ARHGAP33: variants seen among roughly 807,000 people sequenced by gnomAD.
The protein encoded by ARHGAP33 is Rho GTPase activating protein 33.
In ARHGAP33, 57 loss-of-function variants were observed where a neutral mutation model predicts 126.2. The observed-to-expected ratio is 0.45, with a 90% confidence interval of 0.36 to 0.56. The LOEUF is 0.56. Ranked by LOEUF, ARHGAP33 falls within the 20% of genes least tolerant of loss-of-function variation. The pLI is 0.00. For synonymous variants in ARHGAP33, 711 were observed against 755.0 expected, an observed-to-expected ratio of 0.94 and a Z score of 0.95; for missense variants, 1,500 against 1,748.3, an observed-to-expected ratio of 0.86 and a Z score of 2.53.
Position 35,788,413 on chromosome 19 carries a change from C to T in ARHGAP33, c.3848C>T (p.Thr1283Ile). 1.9e-6 allele frequency: 3 copies of T among 1,571,156 alleles called. No homozygotes were observed. Among genetic ancestry groups the T allele is most frequent in the Non-Finnish European group, 2.6e-6 (3 of 1,158,732 alleles). The change falls in exon 21 of 21, where the codon ACC (threonine) becomes ATC (isoleucine). Residue 1283 changes from threonine (T) to isoleucine (I), a missense_variant. Thr to Ile is a moderately conservative substitution (Grantham distance 89). This residue lies in a region of ARHGAP33 where 642 missense variants were observed against 634.0 expected (regional missense o/e 1.01). Coordinates refer to ENST00000007510, the MANE Select transcript of ARHGAP33 (RefSeq NM_001366178.1). ...TGGTCCCTCCACTCTGAGGGCCAGA[C>T]CCGAAGCTACTGCTGAGCACCAGCT... ...PSWSLHSEGQTRSYC is the reference protein window; with the variant it reads ...PSWSLHSEGQIRSYC
In ARHGAP33 at chr19:35,787,574, C is replaced by G; in HGVS notation, c.3009C>G (p.Leu1003=). ...LRGPAQVSAQ[L]RAGGGGRDAP... is the part of the protein sequence containing the mutation. Reference sequence around the variant, plus strand: ...GCCCTGCCCAGGTCAGTGCCCAGCTCAGGGCAGGTGGCGGGGGCAGGGATG... The same window carrying G: ...GCCCTGCCCAGGTCAGTGCCCAGCTGAGGGCAGGTGGCGGGGGCAGGGATG... The change falls in exon 21 of 21, where the codon CTC becomes CTG. Residue 1003 remains leucine (L), a synonymous_variant. Coordinates refer to ENST00000007510, the MANE Select transcript of ARHGAP33 (RefSeq NM_001366178.1). 1 of 1,609,986 alleles carries G rather than the reference C, an allele frequency of 6.2e-7. No individual in the cohort carries two copies. The highest frequency in any genetic ancestry group is 1.7e-4 in the Middle Eastern group (1 of 6,038).
chr19:35,780,271 G>A lies in ARHGAP33; in HGVS notation c.562G>A (p.Val188Met). ...SEEASLNIPAVAAAHVIKRYT... is the reference protein window; with the variant it reads ...SEEASLNIPAMAAAHVIKRYT... ...GGAGGCGTCACTCAATATCCCTGCA[G>A]TGGCGGCCGCCCATGTGATCAAACG... The change falls in exon 7 of 21, where the codon GTG becomes ATG. Residue 188 changes from valine to methionine, a missense_variant. Physicochemically the swap from Val to Met is conservative, Grantham distance 21. Coordinates refer to ENST00000007510, the MANE Select transcript of ARHGAP33 (RefSeq NM_001366178.1). 4 of 1,613,892 alleles carry A rather than the reference G, an allele frequency of 2.5e-6. No homozygotes were observed. The highest frequency in any genetic ancestry group is 1.6e-4 in the Middle Eastern group (1 of 6,062).
intron 15 of ARHGAP33, among the ~76,000 whole-genome samples, chr19:35,783,227 A>G (rs1178156809): frequency 6.6e-6 from 1 of 152,220 alleles, no homozygotes; most frequent in Non-Finnish European, 1.5e-5. Context: ...TTCTGTGGCC[A>G]GCAGCAGAAT....
rs569859200 is a variant in ARHGAP33, at chr19:35,782,955, A to G, written c.1421+86A>G. ...CGCCCAGCTTTTCTTTTGTTTATTC[A>G]TCGAATACGTGTCTATCAAATACCT... On this transcript the variant is annotated intron_variant, in intron 15 of 20. Transcript: ENST00000007510. The surrounding 1 kb of genome is among the most constrained non-coding windows in gnomAD (Gnocchi z 4.1). 1,051 of 1,178,602 alleles carry G rather than the reference A, an allele frequency of 8.9e-4. 2 individuals are homozygous for G. In the Middle Eastern group the frequency reaches 0.015, roughly 16 times the overall value. 73.0% of individuals were successfully genotyped at this position (1,178,602 alleles called of 1,614,324 possible).
intron 20 of ARHGAP33, 24 bp downstream of exon 20, chr19:35,787,096 C>T: frequency 1.3e-6 from 2 of 1,598,148 alleles, no homozygotes; most frequent in Non-Finnish European, 1.7e-6. Context: ...CTACCCCACC[C>T]CTGTCCCCGC....
At chr19:35,778,198 C>A in intron 3 of ARHGAP33, 82 bp from the exon 4 acceptor site, 2 of 1,478,972 alleles carry the variant, frequency 1.4e-6, no homozygotes, top group South Asian at 2.3e-5. Context: ...AAGGGAGTCA[C>A]AAACCCGTCC....
intron 19 of ARHGAP33, 145 bp downstream of exon 19, chr19:35,785,628 A>G (rs936930710): frequency 6.8e-7 from 1 of 1,466,370 alleles, no homozygotes; most frequent in Non-Finnish European, 9.0e-7. Context: ...CTTTATGTAC[A>G]ATGAGTTGGA....
rs199687611 is a variant in ARHGAP33 at position 35,780,538 on chromosome 19, C to T, written c.702+40C>T. On this transcript the variant is annotated intron_variant, in intron 8 of 20. Transcript: ENST00000007510. ...GCGCGGACAGGTGGGGCTGGGGTAC[C>T]TGCCAACTGGGGTGGCCCAGCTACT... 224 of 1,612,764 alleles carry T rather than the reference C, an allele frequency of 1.4e-4. 1 individual carries two copies. In the African/African-American group the frequency reaches 2.8e-3, roughly 20 times the overall value.
rs1971579557 is a variant in ARHGAP33, at chr19:35,778,592, G to A, written c.399G>A (p.Arg133=). 6.2e-7 allele frequency: 1 copy of A among 1,613,244 alleles called. No individual in the cohort carries two copies. Among genetic ancestry groups the A allele is most frequent in the African/African-American group, 1.3e-5 (1 of 74,904 alleles). The part of the protein sequence containing the change: ...PELPPPPEGA[R]AAQMLVPLLL... ...TTCCCCCGCCCCCCGAGGGTGCCAG[G>A]GCTGCCCAGGTAACCTGCTTGTTGT... Residue 133 remains arginine, a synonymous_variant, in exon 5 of 21, where the codon AGG becomes AGA. Transcript: ENST00000007510.
intron 1 of ARHGAP33, among the ~76,000 whole-genome samples, chr19:35,777,398 T>A (rs1033102780): frequency 6.6e-6 from 1 of 152,100 alleles, no homozygotes; most frequent in African/African-American, 2.4e-5. Context: ...GGGACCAGCA[T>A]GCTCTCCATC....
chr19:35,780,711 C>A, intron 9 of ARHGAP33, 46 bp from the exon 10 acceptor site: 1 of 1,613,158 alleles, frequency 6.2e-7, no homozygotes, highest in South Asian at 1.1e-5. Flanking sequence ...CCTCCTGCGT[C>A]TTTTGCCTCC....
In ARHGAP33 at chr19:35,784,980, C is replaced by G; in HGVS notation, c.1595C>G (p.Ser532Cys). Residue 532 changes from serine (S) to cysteine (C), a missense_variant, in exon 17 of 21, where the codon TCC (serine) becomes TGC (cysteine). Coordinates refer to ENST00000007510, the MANE Select transcript of ARHGAP33 (RefSeq NM_001366178.1). ...CGCTGCCTGCTCCCCAGGCCCAAGTCCCTTGCGGGCAGCTGCCCCTCCACC... is the reference window on the plus strand; with the variant it reads ...CGCTGCCTGCTCCCCAGGCCCAAGTGCCTTGCGGGCAGCTGCCCCTCCACC... ...AGRCLLPRPK[S>C]LAGSCPSTRL... is the part of the protein sequence containing the mutation. 6.5e-7 allele frequency: 1 copy of G among 1,545,082 alleles called. No individual in the cohort carries two copies. Among genetic ancestry groups the G allele is most frequent in the Non-Finnish European group, 8.7e-7 (1 of 1,146,716 alleles).
In ARHGAP33 at chr19:35,780,998, G is replaced by A. The variant is rs769424531; in HGVS notation, c.908G>A (p.Arg303Gln). 22 of 1,611,510 alleles carry A rather than the reference G, an allele frequency of 1.4e-5. No homozygotes were observed. Among genetic ancestry groups the A allele is most frequent in the African/African-American group, 4.0e-5 (3 of 74,914 alleles). Residue 303 changes from arginine to glutamine, a missense_variant, in exon 11 of 21, where the codon CGG becomes CAG. Physicochemically the swap from Arg to Gln is conservative, Grantham distance 43. Transcript: ENST00000007510. ...TCCCGCCCTTCTCGGCAGCGGCTGC[G>A]GCAGCGGGGAATCCTGCGACAGAGG... ...MRSRPSRQRL[R>Q]QRGILRQRVF...
chr19:35,787,028 A>T lies in ARHGAP33; in HGVS notation c.2558A>T (p.Gln853Leu). The T allele has an allele frequency of 1.9e-6, 3 of 1,609,584 alleles. No homozygotes were observed. The highest frequency in any genetic ancestry group is 2.5e-6 in the Non-Finnish European group (3 of 1,177,810). ...GAEAPLTDAC[Q>L]QEMCSKLRGA... ...GAGGCCCCGCTGACTGACGCCTGCCAGCAGGAGATGTGCAGCAAGCTCCGG... is the reference window on the plus strand; with the variant it reads ...GAGGCCCCGCTGACTGACGCCTGCCTGCAGGAGATGTGCAGCAAGCTCCGG... The change falls in exon 20 of 21, where the codon CAG becomes CTG. Residue 853 changes from glutamine to leucine, a missense_variant. Gln to Leu is a moderately radical substitution (Grantham distance 113). Coordinates refer to ENST00000007510, the MANE Select transcript of ARHGAP33 (RefSeq NM_001366178.1).
At chr19:35,778,675 G>A (rs528663110) in intron 5 of ARHGAP33, 74 bp downstream of exon 5, 158 of 1,528,428 alleles carry the variant, frequency 1.0e-4, no homozygotes, top group Non-Finnish European at 1.3e-4. Flanking sequence ...TCAAGGCAGC[G>A]GGATAGAGAA....
Position 35,781,142 on chromosome 19 carries a change from T to C in ARHGAP33, c.983-8T>C, listed in dbSNP as rs200877439. On this transcript the variant is annotated splice_polypyrimidine_tract_variant and splice_region_variant and intron_variant, in intron 11 of 20. Transcript: ENST00000007510. The stretch of plus-strand genomic sequence containing the variant: ...GGCCCACCCAGCCCTGACCTTGCTT[T>C]CTCCCAGTGCCCCAGGTGCTGCGCT... The C allele has an allele frequency of 2.1e-4, 339 of 1,611,958 alleles. 1 individual carries two copies. The highest frequency in any genetic ancestry group is 2.6e-4 in the Non-Finnish European group (311 of 1,179,216).
chr19:35,775,652 C>T lies in ARHGAP33; in HGVS notation c.-7C>T. 2 of 1,548,564 alleles carry T rather than the reference C, an allele frequency of 1.3e-6. No homozygotes were observed. The highest frequency in any genetic ancestry group is 2.7e-5 in the East Asian group (1 of 37,426). Reference sequence around the variant, plus strand: ...GCGCGGCCGGGGCCTGAGGAGGCTACGCGACCATGGTGGTAAGGGTCCCAC... The same window carrying T: ...GCGCGGCCGGGGCCTGAGGAGGCTATGCGACCATGGTGGTAAGGGTCCCAC... On this transcript the variant is annotated 5_prime_UTR_variant, in exon 1 of 21. The change creates a new upstream start codon in the 5' untranslated region. Coordinates refer to ENST00000007510, the MANE Select transcript of ARHGAP33 (RefSeq NM_001366178.1).
rs1006889059 is a variant in ARHGAP33 at position 35,787,652 on chromosome 19, C to T, written c.3087C>T (p.Thr1029=). 6 of 1,593,482 alleles carry T rather than the reference C, an allele frequency of 3.8e-6. No individual in the cohort carries two copies. Among genetic ancestry groups the T allele is most frequent in the Non-Finnish European group, 5.1e-6 (6 of 1,174,476 alleles). Residue 1029 remains threonine (T), a synonymous_variant, in exon 21 of 21, where the codon ACC becomes ACT. Transcript: ENST00000007510. ...SPCSVPSQVP[T]PGFFSPAPRE... ...GTTCTGTCCCCTCACAGGTTCCTAC[C>T]CCCGGCTTCTTCTCCCCAGCCCCCA...
intron 15 of ARHGAP33, among the ~76,000 whole-genome samples, chr19:35,783,251 T>C (rs1971900123): frequency 6.6e-6 from 1 of 152,074 alleles, no homozygotes. Flanking sequence ...CCTGGAGGAT[T>C]TGATGGTGAA....
Sources: gnomAD v4.1 joint callset for allele counts (sites outside exome capture counted in the v4.1 genomes callset) on GRCh38, gnomAD v4.1.1 for gene constraint, gnomAD v4.1.1 regional missense constraint, Gnocchi (gnomAD v3.1) non-coding constraint, MANE v1.5 for transcripts, NCBI Gene and HGNC (gene_info 2026-07-23, HGNC 2026-07-21) for gene names.